The following PBX1 variants were observed in gnomAD, a reference collection of about 807,000 sequenced individuals.
The protein encoded by PBX1 is PBX homeobox 1.
PBX1 carries 6 observed loss-of-function variants against 53.4 expected under a neutral mutation model. The ratio of observed to expected loss-of-function variants is 0.11; its 90% CI spans 0.06 to 0.22. The LOEUF is 0.22. PBX1 is among the 10% of genes least tolerant of loss of function. The pLI, the probability that PBX1 is intolerant of heterozygous loss-of-function variation, is 1.00. For missense variants in PBX1, 251 were observed against 551.4 expected, an observed-to-expected ratio of 0.46 and a Z score of 5.46; for synonymous variants, 204 against 212.3, an observed-to-expected ratio of 0.96 and a Z score of 0.34.
intron 2 of PBX1, among the ~76,000 whole-genome samples, chr1:164,667,848 G>A (rs977811717): frequency 6.6e-5 from 10 of 152,134 alleles, no homozygotes; most frequent in African/African-American, 1.4e-4. Flanking sequence ...AACAAGGCTC[G>A]AGGTAGATGC....
chr1:164,743,480 T>G (rs541692974), intron 2 of PBX1, among the ~76,000 whole-genome samples: 1 of 152,168 alleles, frequency 6.6e-6, no homozygotes, highest in African/African-American at 2.4e-5. Flanking sequence ...CACTTTTGCA[T>G]GGCACTATGC....
chr1:164,700,489 G>T (rs866198964), intron 2 of PBX1: 1 of 985,388 alleles, frequency 1.0e-6, no homozygotes, highest in Non-Finnish European at 1.2e-6. Context: ...GCACCCGAAG[G>T]TTTCTTGCTA....
chr1:164,799,033 A>AT (rs1453985087), intron 3 of PBX1, among the ~76,000 whole-genome samples: 1 of 152,200 alleles, frequency 6.6e-6, no homozygotes, highest in African/African-American at 2.4e-5. Context: ...AAAGCACATG[A>AT]TACATTTGAC....
chr1:164,690,751 G>T (rs891341945), intron 2 of PBX1, among the ~76,000 whole-genome samples: 2 of 151,430 alleles, frequency 1.3e-5, no homozygotes, highest in South Asian at 4.2e-4. Context: ...ATGTTAACCT[G>T]TTGGATTTTC....
intron 2 of PBX1, among the ~76,000 whole-genome samples, chr1:164,724,247 A>C (rs1237496266): frequency 6.6e-6 from 1 of 152,204 alleles, no homozygotes; most frequent in African/African-American, 2.4e-5. Flanking sequence ...CCAAACATTC[A>C]GGAACTCTAC....
intron 3 of PBX1, 119 bp downstream of exon 3, chr1:164,792,857 C>T (rs2102303278): frequency 2.7e-6 from 2 of 749,566 alleles, no homozygotes; most frequent in Admixed American, 3.0e-5. Flanking sequence ...CATCCCTGTG[C>T]CCGGCATCCC....
At chr1:164,786,270 C>T (rs1207980109) in intron 2 of PBX1, among the ~76,000 whole-genome samples, 2 of 152,116 alleles carry the variant, frequency 1.3e-5, no homozygotes, top group African/African-American at 4.8e-5. Flanking sequence ...TGTGGGGAAC[C>T]GCCTTTCAGG....
chr1:164,774,861 A>G (rs1420218053), intron 2 of PBX1, among the ~76,000 whole-genome samples: 1 of 152,190 alleles, frequency 6.6e-6, no homozygotes, highest in Non-Finnish European at 1.5e-5. Flanking sequence ...CCCAGCAGGA[A>G]TATACAGTAG....
chr1:164,786,712 TGTGTGTGTGC>T (rs1266563226), intron 2 of PBX1, among the ~76,000 whole-genome samples: 4 of 114,830 alleles, frequency 3.5e-5, no homozygotes, highest in Non-Finnish European at 5.4e-5. Flanking sequence ...TGTGTGTGTG[TGTGTGTGTGC>T]GCGCGCACAC....
chr1:164,712,030 C>T (rs1000738932), intron 2 of PBX1, among the ~76,000 whole-genome samples: 5 of 149,640 alleles, frequency 3.3e-5, no homozygotes, highest in South Asian at 2.2e-4. Flanking sequence ...ACCCCCCCAC[C>T]GTAAGAGAAT....
At chr1:164,710,076 C>G (rs1380741863) in intron 2 of PBX1, among the ~76,000 whole-genome samples, 1 of 152,144 alleles carries the variant, frequency 6.6e-6, no homozygotes, top group Non-Finnish European at 1.5e-5. Context: ...ATTAAATGAG[C>G]AAATTTATGT....
chr1:164,754,670 C>T (rs1195335036), intron 2 of PBX1, among the ~76,000 whole-genome samples: 3 of 151,200 alleles, frequency 2.0e-5, no homozygotes, highest in South Asian at 2.1e-4. Context: ...TGTGTGTGTA[C>T]GTGCGTGCAC....
chr1:164,650,956 T>G (rs1659772378), intron 2 of PBX1, among the ~76,000 whole-genome samples: 1 of 100,558 alleles, frequency 9.9e-6, no homozygotes, highest in Non-Finnish European at 2.2e-5. Context: ...GGAATGATGT[T>G]GCTCAGAAAA....
chr1:164,626,108 A>G (rs1658021629), intron 2 of PBX1: 4 of 1,024,886 alleles, frequency 3.9e-6, no homozygotes, highest in Non-Finnish European at 4.7e-6. Flanking sequence ...TGAGTGTTCG[A>G]TATCTTTGCA....
chr1:164,774,043 G>C (rs1184166035), intron 2 of PBX1, among the ~76,000 whole-genome samples: 1 of 152,180 alleles, frequency 6.6e-6, no homozygotes, highest in African/African-American at 2.4e-5. Flanking sequence ...AGATAGATGA[G>C]GAACTTCAGA....
intron 2 of PBX1, among the ~76,000 whole-genome samples, chr1:164,651,325 C>T (rs189624704): frequency 1.3e-4 from 19 of 151,808 alleles, no homozygotes; most frequent in Admixed American, 5.9e-4. Context: ...ATTGTGCGGA[C>T]GGGGAAAGGT....
chr1:164,750,336 C>T (rs1666133951), intron 2 of PBX1, among the ~76,000 whole-genome samples: 1 of 152,074 alleles, frequency 6.6e-6, no homozygotes, highest in South Asian at 2.1e-4. Context: ...TACAGATAAA[C>T]TATATCATTT....
chr1:164,717,199 A>G (rs915201301), intron 2 of PBX1, among the ~76,000 whole-genome samples: 1 of 152,196 alleles, frequency 6.6e-6, no homozygotes, highest in African/African-American at 2.4e-5. Flanking sequence ...AGGGTGACTA[A>G]TATGTTCATA....
chr1:164,782,243 G>C (rs1323989272), intron 2 of PBX1, among the ~76,000 whole-genome samples: 1 of 152,130 alleles, frequency 6.6e-6, no homozygotes, highest in East Asian at 1.9e-4. Context: ...TTAGAGTACT[G>C]CACCTTGTTG....
Sources: allele counts gnomAD v4.1 joint callset (sites outside exome capture counted in the v4.1 genomes callset), GRCh38; gene constraint gnomAD v4.1.1; transcripts MANE v1.5; gene names NCBI Gene and HGNC (gene_info 2026-07-23, HGNC 2026-07-21).